The following ADGRL3 variants were observed in gnomAD, a reference collection of about 807,000 sequenced individuals.
The protein encoded by ADGRL3 is adhesion G protein-coupled receptor L3, also known as calcium-independent alpha-latrotoxin receptor 3.
A neutral mutation model predicts 153.5 loss-of-function variants in ADGRL3; 62 were observed. The ratio of observed to expected loss-of-function variants is 0.40; its 90% confidence interval spans 0.33 to 0.50. The LOEUF is 0.50. ADGRL3 is among the 20% of genes least tolerant of loss of function. ADGRL3 has a pLI of 0.47. For missense variants in ADGRL3, 1,641 were observed against 1,859.4 expected (o/e 0.88, Z 2.16); for synonymous variants, 710 against 672.5 (o/e 1.06, Z -0.86).
intron 1 of ADGRL3, among the ~76,000 whole-genome samples, chr4:61,259,899 C>T (rs1290728801): frequency 6.6e-6 from 1 of 152,106 alleles, no homozygotes; most frequent in Non-Finnish European, 1.5e-5. Flanking sequence ...TTTCAAAAAT[C>T]ATTACTTTAT....
In ADGRL3 at chr4:61,932,867, A is replaced by G. The variant is rs145119012; in HGVS notation, c.2113-1973A>G. Among the ~76,000 whole-genome samples, 323 of 152,180 alleles carry G rather than the reference A, an allele frequency of 2.1e-3. 2 individuals carry two copies. The highest frequency in any genetic ancestry group is 6.8e-3 in the African/African-American group (282 of 41,546). On this transcript the variant is annotated intron_variant, in intron 13 of 26. Transcript: ENST00000683033. ...CAATCTCCGTATTAGTTGTAGGTCT[A>G]TTCAGAATTTCTATTTTTTCCTGAT...
At chr4:62,035,369 T>C (rs902894963) in intron 23 of ADGRL3, among the ~76,000 whole-genome samples, 2 of 152,068 alleles carry the variant, frequency 1.3e-5, no homozygotes, top group East Asian at 3.9e-4. Flanking sequence ...TCTTTCTCTC[T>C]TCTTTGCCTT....
chr4:61,420,610 G>C (rs559906355), intron 2 of ADGRL3: 2 of 151,492 alleles, frequency 1.3e-5, no homozygotes, highest in Non-Finnish European at 2.9e-5. Flanking sequence ...GTTTCACCGT[G>C]TTAGCCAGGA....
chr4:62,057,788 C>T (rs189381153), intron 25 of ADGRL3, among the ~76,000 whole-genome samples: 4 of 152,210 alleles, frequency 2.6e-5, no homozygotes, highest in African/African-American at 9.6e-5. Flanking sequence ...GGTGATCCTC[C>T]TGCCTCAGCC....
chr4:61,430,938 A>G (rs2097348943), intron 2 of ADGRL3, among the ~76,000 whole-genome samples: 1 of 152,206 alleles, frequency 6.6e-6, no homozygotes, highest in Non-Finnish European at 1.5e-5. Context: ...TTAAAAGAGT[A>G]ATGAGTCTTA....
chr4:61,204,019 T>A (rs936633476), intron 1 of ADGRL3, among the ~76,000 whole-genome samples: 1 of 152,176 alleles, frequency 6.6e-6, no homozygotes, highest in African/African-American at 2.4e-5. Flanking sequence ...TTTCAATAAT[T>A]AAAATGTATT....
intron 1 of ADGRL3, among the ~76,000 whole-genome samples, chr4:61,314,482 A>G (rs2150594073): frequency 6.6e-6 from 1 of 152,316 alleles, no homozygotes; most frequent in Non-Finnish European, 1.5e-5. Flanking sequence ...TGCTGGGATT[A>G]TAGGCGTGAG....
chr4:61,500,683 A>G (rs2098378230), intron 3 of ADGRL3, among the ~76,000 whole-genome samples: 1 of 152,218 alleles, frequency 6.6e-6, no homozygotes, highest in Non-Finnish European at 1.5e-5. Context: ...CTGAATTGCT[A>G]TCCCTTTCCT....
At chr4:61,991,357 T>A (rs2099103029) in intron 19 of ADGRL3, among the ~76,000 whole-genome samples, 1 of 152,082 alleles carries the variant, frequency 6.6e-6, no homozygotes, top group African/African-American at 2.4e-5. Flanking sequence ...TATCATCTTC[T>A]ACTAAGATGA....
chr4:61,564,262 T>A (rs1260410931), intron 4 of ADGRL3, among the ~76,000 whole-genome samples: 3 of 151,984 alleles, frequency 2.0e-5, no homozygotes, highest in African/African-American at 4.8e-5. Context: ...TTTTTGTTTG[T>A]TTTTGTTGGT....
At chr4:61,938,303 A>T (rs1040747703) in intron 15 of ADGRL3, among the ~76,000 whole-genome samples, 1 of 152,226 alleles carries the variant, frequency 6.6e-6, no homozygotes, top group African/African-American at 2.4e-5. Context: ...CAGCATTTTA[A>T]TATCAAATCT....
intron 1 of ADGRL3, chr4:61,211,954 A>G (rs1330578766): frequency 2.6e-5 from 4 of 152,286 alleles, no homozygotes; most frequent in Non-Finnish European, 5.9e-5. Context: ...CATGCTTAAA[A>G]ATGCAGAGAA....
intron 8 of ADGRL3, among the ~76,000 whole-genome samples, chr4:61,756,932 G>C (rs564013574): frequency 2.3e-4 from 35 of 152,244 alleles, no homozygotes; most frequent in African/African-American, 8.4e-4. Flanking sequence ...TTATTGATTT[G>C]CATATGTTAA....
chr4:61,643,116 T>C (rs1052797559), intron 5 of ADGRL3, among the ~76,000 whole-genome samples: 3 of 152,200 alleles, frequency 2.0e-5, no homozygotes, highest in African/African-American at 7.2e-5. Flanking sequence ...TAAGAATGCT[T>C]GTGATTTTTG....
chr4:61,413,131 C>T (rs2097106678), intron 2 of ADGRL3, among the ~76,000 whole-genome samples: 1 of 152,112 alleles, frequency 6.6e-6, no homozygotes, highest in South Asian at 2.1e-4. Flanking sequence ...AGTCCACGTT[C>T]CACACTCAGC....
At chr4:61,299,859 A>T (rs2094526643) in intron 1 of ADGRL3, among the ~76,000 whole-genome samples, 1 of 152,166 alleles carries the variant, frequency 6.6e-6, no homozygotes, top group Admixed American at 6.5e-5. Context: ...TTTCTAAAAG[A>T]TTACCAAGAA....
At chr4:61,270,319 C>T (rs557527861) in intron 1 of ADGRL3, among the ~76,000 whole-genome samples, 50 of 151,628 alleles carry the variant, frequency 3.3e-4, no homozygotes, top group Middle Eastern at 3.4e-3. Flanking sequence ...CTTAAAGGTC[C>T]GAGAACTCAC....
chr4:61,381,868 T>A (rs1044017231), intron 1 of ADGRL3, among the ~76,000 whole-genome samples: 1 of 151,966 alleles, frequency 6.6e-6, no homozygotes, highest in African/African-American at 2.4e-5. Context: ...GGCATTCAAG[T>A]ATGAACTTGA....
At chr4:61,400,180 T>A (rs1006041766) in intron 2 of ADGRL3, among the ~76,000 whole-genome samples, 10 of 151,756 alleles carry the variant, frequency 6.6e-5, no homozygotes, top group African/African-American at 2.4e-4. Flanking sequence ...GTTATTTGCA[T>A]GGTTAATGTA....
Sources: gnomAD v4.1 joint callset for allele counts (sites outside exome capture counted in the v4.1 genomes callset) on GRCh38, gnomAD v4.1.1 for gene constraint, MANE v1.5 for transcripts, NCBI Gene and HGNC (gene_info 2026-07-23, HGNC 2026-07-21) for gene names.